SGPP1: variants seen among roughly 807,000 people sequenced by gnomAD.
SGPP1 encodes the protein sphingosine-1-phosphate phosphatase 1.
SGPP1 carries 21 observed loss-of-function variants against 33.0 expected under a neutral mutation model. That is an observed-to-expected ratio of 0.64 (90% confidence interval 0.45 to 0.92). The LOEUF is 0.92. SGPP1 is among the 40% of genes least tolerant of loss of function. SGPP1 has a pLI of 0.00. For missense variants in SGPP1, 543 were observed against 589.4 expected (o/e 0.92, Z 0.81); for synonymous variants, 239 against 241.2 (o/e 0.99, Z 0.08).
intron 2 of SGPP1, among the ~76,000 whole-genome samples, 199 bp downstream of exon 2, chr14:63,698,370 A>G (rs1320847516): frequency 2.6e-5 from 4 of 152,248 alleles, no homozygotes; most frequent in Non-Finnish European, 4.4e-5. Flanking sequence ...TGATTGCTGG[A>G]AACTGTTTCT....
intron 1 of SGPP1, among the ~76,000 whole-genome samples, chr14:63,701,977 A>C (rs1349061543): frequency 6.6e-6 from 1 of 151,966 alleles, no homozygotes; most frequent in Non-Finnish European, 1.5e-5. Flanking sequence ...AACTTTAAAA[A>C]AATCTTTCTG....
At chr14:63,720,286 A>G (rs1216514721) in intron 1 of SGPP1, among the ~76,000 whole-genome samples, 2 of 151,896 alleles carry the variant, frequency 1.3e-5, no homozygotes, top group African/African-American at 4.8e-5. Flanking sequence ...AGAAAAAAAG[A>G]AGAAATAGAA....
chr14:63,703,177 C>T (rs1885335394), intron 1 of SGPP1, among the ~76,000 whole-genome samples: 1 of 151,484 alleles, frequency 6.6e-6, no homozygotes, highest in Admixed American at 6.6e-5. Flanking sequence ...GATCAACACT[C>T]ACAAATCAGC....
chr14:63,694,803 T>G (rs1885156079), intron 2 of SGPP1, among the ~76,000 whole-genome samples: 1 of 152,184 alleles, frequency 6.6e-6, no homozygotes, highest in South Asian at 2.1e-4. Flanking sequence ...GCAAATAATT[T>G]TAGCTATTTA....
rs1294446370 is a variant in SGPP1 at position 63,727,844 on chromosome 14, C to A, written c.101G>T (p.Arg34Leu). 6.6e-7 allele frequency: 1 copy of A among 1,518,028 alleles called. No homozygotes were observed. Among genetic ancestry groups the A allele is most frequent in the Admixed American group, 2.0e-5 (1 of 49,800 alleles). 94.0% of individuals were successfully genotyped at this position (1,518,028 alleles called of 1,614,324 possible). ...QRLCGVEAPP[R>L]RSADRREDEK... is the part of the protein sequence containing the mutation. ...ATCCTCCCTCCGGTCTGCTGAGCGG[C>A]GCGGCGGCGCTTCCACCCCGCACAG... The change falls in exon 1 of 3, where the codon CGC (arginine) becomes CTC (leucine). Residue 34 changes from arginine (R) to leucine (L), a missense_variant. By Grantham distance (102) the Arg-to-Leu change is moderately radical. Coordinates refer to ENST00000247225, the MANE Select transcript of SGPP1 (RefSeq NM_030791.4).
At chr14:63,689,392 T>A (rs1269078308) in intron 2 of SGPP1, among the ~76,000 whole-genome samples, 3 of 152,104 alleles carry the variant, frequency 2.0e-5, no homozygotes, top group Admixed American at 6.5e-5. Context: ...GCTCAAGTGA[T>A]CCACCTACCT....
chr14:63,692,433 G>C (rs537827706), intron 2 of SGPP1, among the ~76,000 whole-genome samples: 2 of 151,788 alleles, frequency 1.3e-5, no homozygotes, highest in African/African-American at 4.8e-5. Flanking sequence ...TGGGAGTGAA[G>C]AGAAACTAAA....
At chr14:63,697,553 A>G (rs1885211785) in intron 2 of SGPP1, among the ~76,000 whole-genome samples, 2 of 152,232 alleles carry the variant, frequency 1.3e-5, no homozygotes, top group African/African-American at 4.8e-5. Context: ...GAGTTAAAAC[A>G]CACAGTTGCT....
At chr14:63,690,086 G>A (rs1054689439) in intron 2 of SGPP1, among the ~76,000 whole-genome samples, 2 of 151,986 alleles carry the variant, frequency 1.3e-5, no homozygotes, top group South Asian at 2.1e-4. Flanking sequence ...TTTGTTTGTC[G>A]CCCAGGCTGG....
chr14:63,700,110 G>T (rs745415436), intron 1 of SGPP1, among the ~76,000 whole-genome samples: 3 of 151,436 alleles, frequency 2.0e-5, no homozygotes, highest in Non-Finnish European at 4.4e-5. Flanking sequence ...CTACAGATGG[G>T]TATCTCAAAC....
At chr14:63,705,051 C>T (rs1023223714) in intron 1 of SGPP1, among the ~76,000 whole-genome samples, 6 of 151,158 alleles carry the variant, frequency 4.0e-5, no homozygotes, top group Non-Finnish European at 7.4e-5. Context: ...CGCTTGAACC[C>T]GGGAGGTGGG....
intron 1 of SGPP1, among the ~76,000 whole-genome samples, chr14:63,717,266 C>T (rs1280608499): frequency 1.3e-5 from 2 of 149,442 alleles, no homozygotes; most frequent in African/African-American, 4.9e-5. Flanking sequence ...AAGAATAGAG[C>T]TTCAGGGACC....
intron 1 of SGPP1, among the ~76,000 whole-genome samples, chr14:63,716,416 TC>T (rs1195506797): frequency 1.3e-5 from 2 of 151,574 alleles, no homozygotes; most frequent in Non-Finnish European, 2.9e-5. Flanking sequence ...ATCGCTTGAA[TC>T]CGGGGGGTGG....
At chr14:63,709,725 A>T (rs1885484673) in intron 1 of SGPP1, among the ~76,000 whole-genome samples, 1 of 152,228 alleles carries the variant, frequency 6.6e-6, no homozygotes, top group South Asian at 2.1e-4. Context: ...TCAAATACAT[A>T]AAAATGTAAA....
intron 1 of SGPP1, among the ~76,000 whole-genome samples, chr14:63,706,129 C>A (rs1470411269): frequency 6.6e-6 from 1 of 152,202 alleles, no homozygotes; most frequent in Non-Finnish European, 1.5e-5. Flanking sequence ...CATGCTACAA[C>A]ATGGATGAAC....
At chr14:63,697,248 T>C (rs752977331) in intron 2 of SGPP1, among the ~76,000 whole-genome samples, 26 of 151,970 alleles carry the variant, frequency 1.7e-4, no homozygotes, top group Non-Finnish European at 3.1e-4. Flanking sequence ...CCCAACAAAA[T>C]AAAATAGTGT....
At chr14:63,721,875 C>T (rs8003077) in intron 1 of SGPP1, among the ~76,000 whole-genome samples, 14,236 of 152,158 alleles carry the variant, frequency 0.094, 1,470 homozygotes, top group African/African-American at 0.26. Context: ...GTGGATGTTG[C>T]ATATGTATGT....
At chr14:63,707,910 G>A (rs1885447865) in intron 1 of SGPP1, among the ~76,000 whole-genome samples, 1 of 152,098 alleles carries the variant, frequency 6.6e-6, no homozygotes, top group Admixed American at 6.5e-5. Context: ...GACAATAGTT[G>A]TATAGCTGCC....
At chr14:63,719,130 C>T (rs1885716891) in intron 1 of SGPP1, among the ~76,000 whole-genome samples, 1 of 139,882 alleles carries the variant, frequency 7.1e-6, no homozygotes, top group Non-Finnish European at 1.5e-5. Flanking sequence ...CAGGTTCAAG[C>T]GATTCTCCTG....
Sources: gnomAD v4.1 joint callset for allele counts (sites outside exome capture counted in the v4.1 genomes callset) on GRCh38, gnomAD v4.1.1 for gene constraint, MANE v1.5 for transcripts, NCBI Gene and HGNC (gene_info 2026-07-23, HGNC 2026-07-21) for gene names.